Variants in NRXN1 observed in about 807,000 individuals in gnomAD.
NRXN1 encodes neurexin 1, also known as neurexin-1.
In NRXN1, 39 loss-of-function variants were observed where a neutral mutation model predicts 150.9. The observed-to-expected ratio is 0.26, with a 90% CI of 0.20 to 0.34. The LOEUF is 0.34. Ranked by LOEUF, NRXN1 falls within the 10% of genes least tolerant of loss-of-function variation. The probability of loss-of-function intolerance (pLI) is 1.00; values close to 1 mark genes in which losing one functional copy is unlikely to be tolerated. For synonymous variants in NRXN1, 924 were observed against 757.0 expected, an observed-to-expected ratio of 1.22 and a Z score of -3.62; for missense variants, 1,815 against 1,949.9, an observed-to-expected ratio of 0.93 and a Z score of 1.30.
intron 17 of NRXN1, among the ~76,000 whole-genome samples, chr2:50,429,472 G>C (rs1475254463): frequency 6.6e-6 from 1 of 152,036 alleles, no homozygotes; most frequent in African/African-American, 2.4e-5. Flanking sequence ...GGCCAGGCTG[G>C]TCTTGCACTC....
intron 5 of NRXN1, among the ~76,000 whole-genome samples, chr2:50,776,673 CACACAT>C (rs1009409976): frequency 6.6e-6 from 1 of 151,590 alleles, no homozygotes; most frequent in Non-Finnish European, 1.5e-5. Context: ...CACACACACA[CACACAT>C]ACATACTTAT....
intron 5 of NRXN1, among the ~76,000 whole-genome samples, chr2:50,855,150 A>C (rs1675090971): frequency 6.6e-6 from 1 of 151,952 alleles, no homozygotes; most frequent in Non-Finnish European, 1.5e-5. Context: ...AGGTGGTTCA[A>C]GATATAAGGG....
chr2:50,608,019 G>C (rs767024840), intron 8 of NRXN1, among the ~76,000 whole-genome samples: 13 of 151,918 alleles, frequency 8.6e-5, no homozygotes, highest in Non-Finnish European at 1.5e-4. Flanking sequence ...AGCCCACCTG[G>C]GGCCTGGGGG....
rs1047767900 is a variant in NRXN1 at position 50,813,449 on chromosome 2, C to T, written c.832+108420G>A. Reference sequence around the variant, plus strand: ...TTAGTAATGTATTACATTTGCATAGCATTATGTATTATATTGAACAATATA... The same window carrying T: ...TTAGTAATGTATTACATTTGCATAGTATTATGTATTATATTGAACAATATA... On this transcript the variant is annotated intron_variant, in intron 5 of 22. Coordinates refer to ENST00000401669, the MANE Select transcript of NRXN1 (RefSeq NM_001330078.2). 9.2e-5 allele frequency among the ~76,000 whole-genome samples: 14 copies of T among 151,976 alleles called. No individual in the cohort carries two copies. The East Asian group carries it at 9.7e-4, about 10-fold the overall frequency.
At chr2:50,003,753 T>C (rs970070056) in intron 21 of NRXN1, among the ~76,000 whole-genome samples, 28 of 152,302 alleles carry the variant, frequency 1.8e-4, no homozygotes, top group African/African-American at 6.7e-4. Context: ...GGATCACATG[T>C]GAAATAGATA....
intron 17 of NRXN1, among the ~76,000 whole-genome samples, chr2:50,342,243 T>C (rs1367775327): frequency 6.6e-6 from 1 of 152,228 alleles, no homozygotes; most frequent in East Asian, 1.9e-4. Context: ...AGTGCCAGGG[T>C]TACTTGGATC....
At chr2:50,903,671 T>A (rs185075787) in intron 5 of NRXN1, among the ~76,000 whole-genome samples, 39 of 152,296 alleles carry the variant, frequency 2.6e-4, no homozygotes, top group Admixed American at 2.2e-3. Flanking sequence ...AAGCCTCTCC[T>A]TTAGTTGTGA....
chr2:50,153,538 G>A (rs547691268), intron 18 of NRXN1, among the ~76,000 whole-genome samples: 1 of 151,740 alleles, frequency 6.6e-6, no homozygotes, highest in South Asian at 2.1e-4. Context: ...GTTGCAGGCT[G>A]TCTTTGAGCC....
At chr2:50,082,220 G>A (rs1049398220) in intron 19 of NRXN1, among the ~76,000 whole-genome samples, 11 of 152,034 alleles carry the variant, frequency 7.2e-5, no homozygotes, top group South Asian at 6.2e-4. Context: ...CTGATTACCC[G>A]TATCTTTGGT....
chr2:50,828,392 C>T (rs1411009733), intron 5 of NRXN1, among the ~76,000 whole-genome samples: 3 of 150,568 alleles, frequency 2.0e-5, no homozygotes, highest in Admixed American at 2.0e-4. Context: ...CCCTCCCAGA[C>T]GGGGTGGCTG....
At chr2:50,311,942 T>C (rs551365912) in intron 17 of NRXN1, among the ~76,000 whole-genome samples, 15 of 152,148 alleles carry the variant, frequency 9.9e-5, no homozygotes, top group Admixed American at 5.2e-4. Context: ...GTCAAAATGG[T>C]TTAATCATGA....
chr2:49,991,610 G>C (rs866976261), intron 21 of NRXN1, among the ~76,000 whole-genome samples: 1 of 152,098 alleles, frequency 6.6e-6, no homozygotes, highest in African/African-American at 2.4e-5. Flanking sequence ...ATAATGGATA[G>C]AACTAAATAA....
chr2:50,473,276 G>T (rs1487712289), intron 15 of NRXN1, among the ~76,000 whole-genome samples: 1 of 151,384 alleles, frequency 6.6e-6, no homozygotes, highest in African/African-American at 2.4e-5. Context: ...TTTTATTGCA[G>T]TTTCTAATGG....
intron 5 of NRXN1, among the ~76,000 whole-genome samples, chr2:50,903,927 A>G (rs1191317472): frequency 1.3e-5 from 2 of 152,210 alleles, no homozygotes; most frequent in Non-Finnish European, 2.9e-5. Flanking sequence ...CTCTAGCAGT[A>G]GTTATCAAAT....
At chr2:50,206,649 G>T (rs182544010) in intron 18 of NRXN1, among the ~76,000 whole-genome samples, 1 of 151,818 alleles carries the variant, frequency 6.6e-6, no homozygotes, top group African/African-American at 2.4e-5. Context: ...TGGACCCTCA[G>T]GTTGACAATC....
intron 5 of NRXN1, among the ~76,000 whole-genome samples, chr2:50,754,956 C>A (rs909101525): frequency 2.6e-5 from 4 of 151,822 alleles, no homozygotes; most frequent in Admixed American, 1.3e-4. Context: ...TAATGATTAT[C>A]TGAAGTACTT....
intron 21 of NRXN1, among the ~76,000 whole-genome samples, chr2:50,033,227 T>A (rs1055804649): frequency 1.2e-4 from 18 of 151,888 alleles, no homozygotes; most frequent in Admixed American, 7.9e-4. Context: ...TTTCAAAGAA[T>A]ACTACAGGGC....
intron 2 of NRXN1, among the ~76,000 whole-genome samples, chr2:50,963,433 T>C (rs943384133): frequency 1.3e-5 from 2 of 151,678 alleles, no homozygotes; most frequent in African/African-American, 4.8e-5. Flanking sequence ...AAACTATATG[T>C]AGCAGTTTCT....
intron 12 of NRXN1, chr2:50,506,894 G>A (rs893335917): frequency 2.9e-6 from 1 of 347,928 alleles, no homozygotes; most frequent in Middle Eastern, 8.1e-4. Context: ...CCTACGCATT[G>A]ATCCATAACA....
Sources: gnomAD v4.1 joint callset for allele counts (sites outside exome capture counted in the v4.1 genomes callset) on GRCh38, gnomAD v4.1.1 for gene constraint, MANE v1.5 for transcripts, NCBI Gene and HGNC (gene_info 2026-07-23, HGNC 2026-07-21) for gene names.